The following ANO1 variants were observed in gnomAD, a reference collection of about 807,000 sequenced individuals.
The protein encoded by ANO1 is anoctamin 1.
In ANO1, 59 loss-of-function variants were observed where a neutral mutation model predicts 124.0. That is an observed-to-expected ratio of 0.48 (90% CI 0.39 to 0.59). The LOEUF is 0.59. Among genes scored for constraint, ANO1 ranks in the 20% least tolerant of loss-of-function variants. ANO1 has a pLI of 0.00. For missense variants in ANO1, 1,059 were observed against 1,328.0 expected, an observed-to-expected ratio of 0.80 and a Z score of 3.15; for synonymous variants, 529 against 532.0, an observed-to-expected ratio of 0.99 and a Z score of 0.08.
At chr11:70,164,469 C>T (rs1211903846) in intron 19 of ANO1, among the ~76,000 whole-genome samples, 1 of 152,142 alleles carries the variant, frequency 6.6e-6, no homozygotes, top group Admixed American at 6.6e-5. Context: ...CATGATGATC[C>T]CCTGTCACAC....
intron 2 of ANO1, among the ~76,000 whole-genome samples, chr11:70,097,012 C>T (rs2045007684): frequency 6.6e-6 from 1 of 152,154 alleles, no homozygotes; most frequent in Non-Finnish European, 1.5e-5. Flanking sequence ...CATTGAATTT[C>T]TTGTTTCTTT....
At chr11:70,025,608 A>G (rs1476420991) in intron 1 of ANO1, among the ~76,000 whole-genome samples, 1 of 148,564 alleles carries the variant, frequency 6.7e-6, no homozygotes, top group Non-Finnish European at 1.5e-5. Flanking sequence ...GATGATGATA[A>G]TGATGGTGGT....
At position 70,161,139 on chromosome 11, in the gene ANO1, AGT is replaced by A. The variant is rs2048026144; in HGVS notation, c.1579-20_1579-19del. On this transcript the variant is annotated intron_variant, in intron 16 of 25. Transcript: ENST00000355303. ...GGTCCTGGGTGGGCCCCCAACCAAG[AGT>A]GCCCCTTTCCCCCCTGCAGATTGCA... 5 of 1,606,394 alleles carry A rather than the reference AGT, an allele frequency of 3.1e-6. No homozygotes were observed. The highest frequency in any genetic ancestry group is 4.3e-6 in the Non-Finnish European group (5 of 1,176,428).
intron 1 of ANO1, among the ~76,000 whole-genome samples, chr11:70,002,407 T>TGAGCCGA (rs1856398168): frequency 7.5e-6 from 1 of 133,472 alleles, no homozygotes; most frequent in South Asian, 2.4e-4. Context: ...GAGGTTGCAG[T>TGAGCCGA]GAGCCGAGAT....
chr11:70,024,353 G>C (rs1856855092), intron 1 of ANO1, among the ~76,000 whole-genome samples: 1 of 152,178 alleles, frequency 6.6e-6, no homozygotes, highest in African/African-American at 2.4e-5. Context: ...GGGCTGAAAG[G>C]GGGCAGTGGT....
chr11:70,061,752 G>A (rs1475765408), intron 1 of ANO1, among the ~76,000 whole-genome samples: 1 of 152,078 alleles, frequency 6.6e-6, no homozygotes, highest in Non-Finnish European at 1.5e-5. Flanking sequence ...GTTGCCTACT[G>A]GAGCACCTTA....
At chr11:70,148,673 A>G (rs1236363679) in intron 11 of ANO1, among the ~76,000 whole-genome samples, 6 of 152,200 alleles carry the variant, frequency 3.9e-5, no homozygotes, top group East Asian at 3.9e-4. Flanking sequence ...AGAAGCGTTC[A>G]GGATAAACAG....
chr11:69,972,912 CTTTCTT>C, the ANO1 span, among the ~76,000 whole-genome samples: 7 of 144,376 alleles, frequency 4.8e-5, no homozygotes, highest in East Asian at 1.4e-3. Context: ...TTTTCTTTTT[CTTTCTT>C]TTTTTTTTGA....
intron 11 of ANO1, among the ~76,000 whole-genome samples, chr11:70,138,087 G>A (rs146750156): frequency 0.012 from 1,707 of 147,556 alleles, 83 homozygotes; most frequent in African/African-American, 0.038. Context: ...GTTCACGCCT[G>A]TAATCCCAGC....
Position 70,126,050 on chromosome 11 carries a change from C to T in ANO1, c.963-11C>T. 6.2e-7 allele frequency: 1 copy of T among 1,604,018 alleles called. No individual in the cohort carries two copies. Among genetic ancestry groups the T allele is most frequent in the African/African-American group, 1.3e-5 (1 of 74,838 alleles). On this transcript the variant is annotated splice_polypyrimidine_tract_variant and intron_variant, in intron 9 of 25. Transcript: ENST00000355303. ...CAGTGGGCTTGACTCTGCTCTGCTCCCCTGGTGTAGGAAGTATTTTGGGGA... is the reference window on the plus strand; with the variant it reads ...CAGTGGGCTTGACTCTGCTCTGCTCTCCTGGTGTAGGAAGTATTTTGGGGA...
At chr11:69,971,934 A>G in the ANO1 span, among the ~76,000 whole-genome samples, 1 of 152,114 alleles carries the variant, frequency 6.6e-6, no homozygotes, top group Non-Finnish European at 1.5e-5. Flanking sequence ...GAAAAGTGAA[A>G]GCGAGGCTGG....
chr11:70,072,126 G>A (rs970147141), intron 1 of ANO1, among the ~76,000 whole-genome samples: 4 of 152,108 alleles, frequency 2.6e-5, no homozygotes, highest in African/African-American at 7.2e-5. Context: ...GGTCTTCGGC[G>A]CCAAACCCAG....
chr11:70,020,560 C>T (rs1304430167), intron 1 of ANO1, among the ~76,000 whole-genome samples: 5 of 152,186 alleles, frequency 3.3e-5, no homozygotes, highest in Non-Finnish European at 7.3e-5. Flanking sequence ...GTGGGTCCGG[C>T]CAAGGGTCAC....
At chr11:70,076,911 C>A (rs1202259244), upstream of ANO1, among the ~76,000 whole-genome samples, 2 of 151,866 alleles carry the variant, frequency 1.3e-5, no homozygotes, top group African/African-American at 4.8e-5. Flanking sequence ...ATTGCTAAGC[C>A]TGGCAGCTTC....
chr11:70,062,010 T>A (rs138163877), intron 1 of ANO1, among the ~76,000 whole-genome samples: 61 of 151,698 alleles, frequency 4.0e-4, no homozygotes, highest in East Asian at 3.5e-3. Flanking sequence ...AGCAATAGAG[T>A]ATGCAACCAA....
intron 20 of ANO1, among the ~76,000 whole-genome samples, chr11:70,166,329 T>C (rs1291592993): frequency 6.6e-6 from 1 of 151,716 alleles, no homozygotes; most frequent in Non-Finnish European, 1.5e-5. Flanking sequence ...AAAAAATAAA[T>C]AAATAATAAA....
At chr11:70,139,907 C>T (rs1450939079) in intron 11 of ANO1, among the ~76,000 whole-genome samples, 1 of 152,206 alleles carries the variant, frequency 6.6e-6, no homozygotes, top group Non-Finnish European at 1.5e-5. Flanking sequence ...GTGCTGAACA[C>T]GTGCCTTGCT....
At chr11:70,183,253 A>C (rs1052689477) in intron 24 of ANO1, among the ~76,000 whole-genome samples, 1 of 152,182 alleles carries the variant, frequency 6.6e-6, no homozygotes, top group Admixed American at 6.5e-5. Flanking sequence ...CTGCCTCTCC[A>C]CTTTGATTTC....
At chr11:70,128,436 C>A (rs1300634438) in intron 10 of ANO1, among the ~76,000 whole-genome samples, 1 of 152,238 alleles carries the variant, frequency 6.6e-6, no homozygotes, top group Non-Finnish European at 1.5e-5. Context: ...GGGGGACCTC[C>A]ATCTTCCTTC....
Sources: allele counts gnomAD v4.1 joint callset (sites outside exome capture counted in the v4.1 genomes callset), GRCh38; gene constraint gnomAD v4.1.1; transcripts MANE v1.5; gene names NCBI Gene and HGNC (gene_info 2026-07-23, HGNC 2026-07-21).